The following LRRTM3 variants were observed in gnomAD, a reference collection of about 807,000 sequenced individuals.
LRRTM3 encodes the protein leucine rich repeat transmembrane neuronal 3.
A neutral mutation model predicts 44.7 loss-of-function variants in LRRTM3; 24 were observed. The ratio of observed to expected loss-of-function variants is 0.54; its 90% CI spans 0.39 to 0.76. The LOEUF (loss-of-function observed/expected upper bound fraction) is 0.76, where lower values mean the gene tolerates loss of function less well. LRRTM3 is among the 30% of genes least tolerant of loss of function. LRRTM3 has a pLI of 0.00. For synonymous variants in LRRTM3, 277 were observed against 278.7 expected (o/e 0.99, Z 0.06); for missense variants, 587 against 702.2 (o/e 0.84, Z 1.85).
chr10:66,953,304 C>T (rs989168094), intron 2 of LRRTM3, among the ~76,000 whole-genome samples: 11 of 152,166 alleles, frequency 7.2e-5, no homozygotes, highest in African/African-American at 2.4e-4. Flanking sequence ...TTTGAATGTG[C>T]ACCCACCAAT....
chr10:67,037,184 T>C (rs1022911185), intron 2 of LRRTM3, among the ~76,000 whole-genome samples: 5 of 152,128 alleles, frequency 3.3e-5, no homozygotes, highest in Admixed American at 3.3e-4. Flanking sequence ...CAACTAATAG[T>C]AATAGGTAAT....
At position 66,944,070 on chromosome 10, in the gene LRRTM3, T is replaced by C. The variant is rs535395293; in HGVS notation, c.1536+15618T>C. On this transcript the variant is annotated intron_variant, in intron 2 of 2. Transcript: ENST00000361320. ...TAAGATAACAAGGATGTCTGCTGCA[T>C]TGGTTGACTCTTTCATGAAAGATTT... 3.7e-4 allele frequency among the ~76,000 whole-genome samples: 56 copies of C among 152,244 alleles called. 1 individual carries two copies. The highest frequency in any genetic ancestry group is 1.3e-3 in the African/African-American group (55 of 41,554).
chr10:67,061,114 G>A (rs1925592), intron 2 of LRRTM3, among the ~76,000 whole-genome samples: 6,102 of 152,094 alleles, frequency 0.04, 408 homozygotes, highest in African/African-American at 0.14. Context: ...AAAATTAACG[G>A]TTTGGGGAAT....
At chr10:66,991,900 A>G (rs1851061004) in intron 2 of LRRTM3, among the ~76,000 whole-genome samples, 1 of 152,206 alleles carries the variant, frequency 6.6e-6, no homozygotes, top group African/African-American at 2.4e-5. Context: ...CTAGAAAAGA[A>G]GGCCATCTAT....
intron 2 of LRRTM3, among the ~76,000 whole-genome samples, chr10:66,941,772 A>AT (rs1848008895): frequency 6.6e-6 from 1 of 152,214 alleles, no homozygotes; most frequent in African/African-American, 2.4e-5. Context: ...GAGCACACAA[A>AT]TGACATCTTA....
At chr10:67,020,100 C>A (rs984994055) in intron 2 of LRRTM3, among the ~76,000 whole-genome samples, 1 of 152,052 alleles carries the variant, frequency 6.6e-6, no homozygotes, top group African/African-American at 2.4e-5. Flanking sequence ...TCCCAAATCG[C>A]CTTACAATAA....
intron 2 of LRRTM3, among the ~76,000 whole-genome samples, chr10:67,033,070 G>A (rs1853831026): frequency 6.6e-6 from 1 of 152,074 alleles, no homozygotes; most frequent in Non-Finnish European, 1.5e-5. Flanking sequence ...TTTTTTTCCA[G>A]GAGGATTTTG....
At chr10:66,932,558 C>A (rs1302474217) in intron 2 of LRRTM3, among the ~76,000 whole-genome samples, 1 of 152,026 alleles carries the variant, frequency 6.6e-6, no homozygotes, top group Non-Finnish European at 1.5e-5. Context: ...TAGCTACCTA[C>A]ACTAAAAATC....
chr10:67,031,336 T>C (rs1853713716), intron 2 of LRRTM3, among the ~76,000 whole-genome samples: 1 of 152,136 alleles, frequency 6.6e-6, no homozygotes, highest in South Asian at 2.1e-4. Context: ...AGAAGTCAAG[T>C]GGTTTGCAGA....
intron 2 of LRRTM3, among the ~76,000 whole-genome samples, chr10:66,985,196 A>G (rs1850661022): frequency 6.6e-6 from 1 of 152,234 alleles, no homozygotes; most frequent in South Asian, 2.1e-4. Context: ...AGTAAAAAAC[A>G]AATCAGGTAC....
chr10:67,019,542 T>G (rs1217657502), intron 2 of LRRTM3, among the ~76,000 whole-genome samples: 1 of 152,192 alleles, frequency 6.6e-6, no homozygotes, highest in Non-Finnish European at 1.5e-5. Context: ...TAATTGATTC[T>G]TGCAAGAACT....
chr10:67,005,376 C>T (rs1207787981), intron 2 of LRRTM3, among the ~76,000 whole-genome samples: 16 of 152,098 alleles, frequency 1.1e-4, no homozygotes, highest in Non-Finnish European at 1.5e-5. Flanking sequence ...TTCCCCCAAG[C>T]AGACATTCTC....
chr10:66,966,931 G>A (rs1163963925), intron 2 of LRRTM3, among the ~76,000 whole-genome samples: 1 of 151,906 alleles, frequency 6.6e-6, no homozygotes, highest in Admixed American at 6.6e-5. Context: ...CAACTAAATG[G>A]GAGAATTAGA....
chr10:67,058,336 T>C (rs2133209469), intron 2 of LRRTM3, among the ~76,000 whole-genome samples: 1 of 152,314 alleles, frequency 6.6e-6, no homozygotes, highest in East Asian at 1.9e-4. Context: ...TCAGATAACA[T>C]ATTGTTTTAT....
chr10:67,098,245 A>C lies in LRRTM3; in HGVS notation c.*449A>C, dbSNP rs997125360. The C allele has an allele frequency of 1.3e-5, 2 of 157,540 alleles. No homozygotes were observed. The highest frequency in any genetic ancestry group is 4.8e-5 in the African/African-American group (2 of 41,524). 9.8% of individuals were successfully genotyped at this position (157,540 alleles called of 1,614,324 possible). ...AAAAATTATTTCTTGTGTTATTCAG[A>C]GTTACTCAGTTTTGTAAGGACTGTT... On this transcript the variant is annotated 3_prime_UTR_variant, in exon 3 of 3. Coordinates refer to ENST00000361320, the MANE Select transcript of LRRTM3 (RefSeq NM_178011.5).
At chr10:66,946,765 C>T (rs1270553806) in intron 2 of LRRTM3, among the ~76,000 whole-genome samples, 1 of 152,022 alleles carries the variant, frequency 6.6e-6, no homozygotes, top group African/African-American at 2.4e-5. Flanking sequence ...TCTCTCCCCA[C>T]CACACCCAGG....
rs1392238922 is a variant in LRRTM3 at position 66,978,549 on chromosome 10, A to AC, written c.1536+50097_1536+50098insC. Reference sequence around the variant, plus strand: ...CTCAAAAAAAAAAAAAAAAAAAAAAAAAAATATATATATATATATATAGTA... The same window carrying AC: ...CTCAAAAAAAAAAAAAAAAAAAAAAACAAAATATATATATATATATATAGTA... On this transcript the variant is annotated intron_variant, in intron 2 of 2. Coordinates refer to ENST00000361320, the MANE Select transcript of LRRTM3 (RefSeq NM_178011.5). Among the ~76,000 whole-genome samples the AC allele has an allele frequency of 4.6e-5, 5 of 108,168 alleles. 1 individual carries two copies. The highest frequency in any genetic ancestry group is 9.8e-5 in the Non-Finnish European group (5 of 51,072). The allele number at this position is 108,168 out of a possible 152,430, so 71.0% of individuals were successfully genotyped here.
At chr10:66,941,408 G>C (rs1001097707) in intron 2 of LRRTM3, among the ~76,000 whole-genome samples, 2 of 152,206 alleles carry the variant, frequency 1.3e-5, no homozygotes, top group African/African-American at 4.8e-5. Context: ...GCACTGCCAG[G>C]AGAATATCTT....
intron 2 of LRRTM3, among the ~76,000 whole-genome samples, chr10:67,089,049 G>C (rs755317374): frequency 1.3e-5 from 2 of 151,910 alleles, no homozygotes; most frequent in African/African-American, 4.8e-5. Context: ...ATATATGGGA[G>C]GATGTGTGTG....
Sources: allele counts gnomAD v4.1 joint callset (sites outside exome capture counted in the v4.1 genomes callset), GRCh38; gene constraint gnomAD v4.1.1; transcripts MANE v1.5; gene names NCBI Gene and HGNC (gene_info 2026-07-23, HGNC 2026-07-21).